SH3YL1: variants seen among roughly 807,000 people sequenced by gnomAD.
SH3YL1 encodes SH3 and SYLF domain containing 1.
In SH3YL1, 41 loss-of-function variants were observed where a neutral mutation model predicts 45.8. The ratio of observed to expected loss-of-function variants is 0.89; its 90% CI spans 0.70 to 1.16. The LOEUF (loss-of-function observed/expected upper bound fraction) is 1.16, where lower values mean the gene tolerates loss of function less well. Among genes scored for constraint, SH3YL1 ranks in the 50% most tolerant of loss-of-function variants. SH3YL1 has a pLI of 0.00. For synonymous variants in SH3YL1, 152 were observed against 151.4 expected (o/e 1.00, Z -0.03); for missense variants, 389 against 409.6 (o/e 0.95, Z 0.43).
Position 233,188 on chromosome 2 carries a change from A to C in SH3YL1, c.446T>G (p.Val149Gly), listed in dbSNP as rs778014447. Residue 149 changes from valine (V) to glycine (G), a missense_variant, in exon 6 of 10, where the codon GTC (valine) becomes GGC (glycine). By Grantham distance (109) the Val-to-Gly change is moderately radical. Transcript: ENST00000356150. ...TCCCCTTGACTTGCAGTACGTGAAG[A>C]CGGCAGCGGAGCTTCTCAGGGCCAC... ...GNVALRSSAA[V>G]FTYCKSRGLF... 2.5e-6 allele frequency: 4 copies of C among 1,593,742 alleles called. No homozygotes were observed. In the Admixed American group the frequency reaches 7.0e-5, roughly 28 times the overall value.
At chr2:259,716 C>T (rs1318056589) in intron 1 of SH3YL1, 1 of 150,990 alleles carries the variant, frequency 6.6e-6, no homozygotes, top group Admixed American at 6.6e-5. Context: ...AATATATTTA[C>T]AAATTTAGTA....
At chr2:219,117 G>A in intron 9 of SH3YL1, 116 bp from the exon 10 acceptor site, 1 of 675,772 alleles carries the variant, frequency 1.5e-6, no homozygotes, top group Non-Finnish European at 2.4e-6. Context: ...CTTGGAGGCT[G>A]GCAGAAACCA....
chr2:264,714 CCCCTGCAGGTGAACGGCGGCCCAGT>C (rs1465578738), upstream of SH3YL1: 6 of 470,876 alleles, frequency 1.3e-5, no homozygotes, highest in Middle Eastern at 5.5e-4. Flanking sequence ...TGCAGCCCCG[CCCCTGCAGGTGAACGGCGGCCCAGT>C]CCCTGCAGGT....
chr2:232,252 A>C (rs1055714171), intron 6 of SH3YL1, among the ~76,000 whole-genome samples: 2 of 149,886 alleles, frequency 1.3e-5, no homozygotes, highest in Non-Finnish European at 1.5e-5. Context: ...TTTTTTTTTT[A>C]AATCAAACTG....
intron 8 of SH3YL1, 53 bp downstream of exon 8, chr2:229,913 A>G (rs762233447): frequency 1.5e-6 from 2 of 1,364,348 alleles, no homozygotes; most frequent in Non-Finnish European, 2.1e-6. Flanking sequence ...TAATGATAAC[A>G]TTTAATAATT....
At position 221,266 on chromosome 2, in the gene SH3YL1, T is replaced by C. The variant is rs1008306082; in HGVS notation, c.839-2265A>G. ...GCATTTTACTTTTATGAGGCAAATG[T>C]TCAAGGGGGATTAATGTGGTGACCT... On this transcript the variant is annotated intron_variant, in intron 9 of 9. Coordinates refer to ENST00000356150, the MANE Select transcript of SH3YL1 (RefSeq NM_015677.4). Among the ~76,000 whole-genome samples, 4 of 152,284 alleles carry C rather than the reference T, an allele frequency of 2.6e-5. No individual in the cohort carries two copies. In the East Asian group the frequency reaches 7.7e-4, roughly 29 times the overall value.
chr2:231,506 A>G (rs1668043454), intron 6 of SH3YL1, among the ~76,000 whole-genome samples: 1 of 152,360 alleles, frequency 6.6e-6, no homozygotes. Context: ...ATTCATATAT[A>G]AACACATATA....
intron 8 of SH3YL1, among the ~76,000 whole-genome samples, chr2:229,102 C>T (rs1349140088): frequency 6.6e-6 from 1 of 152,254 alleles, no homozygotes; most frequent in East Asian, 1.9e-4. Flanking sequence ...ACATGAAAGT[C>T]CCTACTTCAA....
chr2:264,041 G>GCTGCC, upstream of SH3YL1: 2 of 1,374,500 alleles, frequency 1.5e-6, no homozygotes, highest in Non-Finnish European at 1.9e-6. Context: ...AGGAAGGCGC[G>GCTGCC]CTGCCCCGCC....
In SH3YL1 at chr2:233,200, C is replaced by T. The variant is rs902274112; in HGVS notation, c.434G>A (p.Ser145Asn). 3.2e-6 allele frequency: 5 copies of T among 1,585,182 alleles called. No individual in the cohort carries two copies. Among genetic ancestry groups the T allele is most frequent in the South Asian group, 1.2e-5 (1 of 86,938 alleles). ...RNLEGNVALRSSAAVFTYCKS... is the reference protein window; with the variant it reads ...RNLEGNVALRNSAAVFTYCKS... ...GCAGTACGTGAAGACGGCAGCGGAG[C>T]TTCTCAGGGCCACGTTTCCTTCCAA... The change falls in exon 6 of 10, where the codon AGC becomes AAC. Residue 145 changes from serine (S) to asparagine (N), a missense_variant. Physicochemically the swap from Ser to Asn is conservative, Grantham distance 46. Coordinates refer to ENST00000356150, the MANE Select transcript of SH3YL1 (RefSeq NM_015677.4).
rs56203736 is a variant in SH3YL1 at position 253,833 on chromosome 2, A to G, written c.2-718T>C. Reference sequence around the variant, plus strand: ...ATCGGGACCCCTTTTTGGTAACACAATGAAGCATTACCACAGCATAGCCTA... The same window carrying G: ...ATCGGGACCCCTTTTTGGTAACACAGTGAAGCATTACCACAGCATAGCCTA... On this transcript the variant is annotated intron_variant, in intron 1 of 9. Coordinates refer to ENST00000356150, the MANE Select transcript of SH3YL1 (RefSeq NM_015677.4). Among the ~76,000 whole-genome samples, 423 of 152,262 alleles carry G rather than the reference A, an allele frequency of 2.8e-3. 1 individual carries two copies. The highest frequency in any genetic ancestry group is 9.7e-3 in the African/African-American group (401 of 41,550).
intron 6 of SH3YL1, among the ~76,000 whole-genome samples, chr2:231,511 CAT>C (rs1005322952): frequency 6.6e-6 from 1 of 152,156 alleles, no homozygotes; most frequent in African/African-American, 2.4e-5. Flanking sequence ...TATATAAACA[CAT>C]ATAAATATAC....
At chr2:251,130 C>T (rs1243955358) in intron 2 of SH3YL1, among the ~76,000 whole-genome samples, 1 of 152,104 alleles carries the variant, frequency 6.6e-6, no homozygotes, top group Non-Finnish European at 1.5e-5. Flanking sequence ...TACAGATTTC[C>T]ACTCAAATTC....
rs776189142 is a variant in SH3YL1 at position 234,238 on chromosome 2, C to T, written c.326G>A (p.Arg109His). ...GCCTTTTGCAAAAGCTTCTACAGCA[C>T]GGTCATAATTCAGAATTATCACCAA... ...SDLVIILNYD[R>H]AVEAFAKGGN... Residue 109 changes from arginine to histidine, a missense_variant, in exon 5 of 10, where the codon CGT becomes CAT. By Grantham distance (29) the Arg-to-His change is conservative (BLOSUM62 0). Coordinates refer to ENST00000356150, the MANE Select transcript of SH3YL1 (RefSeq NM_015677.4). The T allele has an allele frequency of 3.8e-5, 61 of 1,614,054 alleles. No homozygotes were observed. The highest frequency in any genetic ancestry group is 2.0e-4 in the Admixed American group (12 of 60,010).
Position 249,839 on chromosome 2 carries a change from C to T in SH3YL1, c.118G>A (p.Val40Ile), listed in dbSNP as rs780119435. Residue 40 changes from valine (V) to isoleucine (I), a missense_variant, in exon 3 of 10, where the codon GTA (valine) becomes ATA (isoleucine). Physicochemically the swap from Val to Ile is conservative, Grantham distance 29. Coordinates refer to ENST00000356150, the MANE Select transcript of SH3YL1 (RefSeq NM_015677.4). ...GCAAGGCCTTTAGCCTTCGCAATTA[C>T]GTGAGCTGTTAACGTGGAAAACAAT... ...NGPDKIIPAH[V>I]IAKAKGLAIL... 4.6e-5 allele frequency: 72 copies of T among 1,550,020 alleles called. No homozygotes were observed. Among genetic ancestry groups the T allele is most frequent in the South Asian group, 1.7e-4 (14 of 84,030 alleles).
chr2:257,692 C>G (rs1669403548), intron 1 of SH3YL1, among the ~76,000 whole-genome samples: 1 of 152,202 alleles, frequency 6.6e-6, no homozygotes, highest in South Asian at 2.1e-4. Context: ...TCCCTGGAGT[C>G]TCTCTGAATC....
chr2:233,688 C>G (rs554654695), intron 5 of SH3YL1, among the ~76,000 whole-genome samples: 1 of 152,192 alleles, frequency 6.6e-6, no homozygotes, highest in South Asian at 2.1e-4. Context: ...TATAAAATAT[C>G]TCTACATTGC....
chr2:230,612 T>C (rs933508037), intron 7 of SH3YL1: 1 of 244,494 alleles, frequency 4.1e-6, no homozygotes, highest in East Asian at 1.1e-4. Context: ...GCTCAAGCGA[T>C]CCTCCTGTTT....
Position 218,778 on chromosome 2 carries a change from T to C in SH3YL1, c.*33A>G. The C allele has an allele frequency of 4.0e-6, 6 of 1,505,642 alleles. No individual in the cohort carries two copies. The highest frequency in any genetic ancestry group is 4.0e-5 in the Admixed American group (2 of 49,608). The allele number at this position is 1,505,642 out of a possible 1,614,324, so 93.3% of individuals were successfully genotyped here. A position where few individuals can be genotyped will look rare whatever the true frequency, so the allele number is the denominator to read the frequency against. ...TCCTGTCAGTGTAGAAATAATTTTT[T>C]TGTAATTCTCAAAGAAGAAAATAGT... On this transcript the variant is annotated 3_prime_UTR_variant, in exon 10 of 10. Coordinates refer to ENST00000356150, the MANE Select transcript of SH3YL1 (RefSeq NM_015677.4).
Sources: allele counts gnomAD v4.1 joint callset (sites outside exome capture counted in the v4.1 genomes callset), GRCh38; gene constraint gnomAD v4.1.1; transcripts MANE v1.5; gene names NCBI Gene and HGNC (gene_info 2026-07-23, HGNC 2026-07-21).